The following ASH1L variants were observed in gnomAD, a reference collection of about 807,000 sequenced individuals.
ASH1L encodes histone-lysine N-methyltransferase ASH1L.
In ASH1L, 23 loss-of-function variants were observed where a neutral mutation model predicts 269.0. The observed-to-expected ratio is 0.09, with a 90% confidence interval of 0.06 to 0.12. The LOEUF (loss-of-function observed/expected upper bound fraction) is 0.12, where lower values mean the gene tolerates loss of function less well. ASH1L is among the 10% of genes least tolerant of loss of function. The probability of loss-of-function intolerance (pLI) is 1.00; values close to 1 mark genes in which losing one functional copy is unlikely to be tolerated. For missense variants in ASH1L, 2,912 were observed against 3,567.8 expected (o/e 0.82, Z 4.68); for synonymous variants, 1,187 against 1,253.5 (o/e 0.95, Z 1.12).
intron 26 of ASH1L, among the ~76,000 whole-genome samples, chr1:155,339,002 T>C (rs1163373998): frequency 6.6e-6 from 1 of 152,240 alleles, no homozygotes; most frequent in Non-Finnish European, 1.5e-5. Flanking sequence ...CATCTGTTCC[T>C]TGATAGAGGT....
intron 6 of ASH1L, chr1:155,396,204 A>G (rs1279681527): frequency 6.6e-6 from 1 of 152,176 alleles, no homozygotes; most frequent in Non-Finnish European, 1.5e-5. Flanking sequence ...TAAATATATA[A>G]AAGGGGGAAA....
At chr1:155,433,715 T>C (rs1177686811) in intron 5 of ASH1L, 2 of 1,600,862 alleles carry the variant, frequency 1.2e-6, no homozygotes, top group Non-Finnish European at 1.7e-6. Flanking sequence ...TGGGAAGGTG[T>C]TCAGCCAAAC....
intron 2 of ASH1L, among the ~76,000 whole-genome samples, chr1:155,483,237 T>C (rs1168190819): frequency 1.3e-5 from 2 of 152,142 alleles, no homozygotes; most frequent in Non-Finnish European, 2.9e-5. Flanking sequence ...TTATACTGTG[T>C]TTGTGGATAG....
At chr1:155,382,793 A>G (rs1013552069) in intron 7 of ASH1L, among the ~76,000 whole-genome samples, 6 of 151,718 alleles carry the variant, frequency 4.0e-5, no homozygotes, top group Non-Finnish European at 2.9e-5. Flanking sequence ...TAGCAGGATC[A>G]TGGCTCACTG....
At chr1:155,545,445 G>A (rs940466609) in intron 1 of ASH1L, among the ~76,000 whole-genome samples, 1 of 151,396 alleles carries the variant, frequency 6.6e-6, no homozygotes, top group Non-Finnish European at 1.5e-5. Flanking sequence ...CCTTCATACT[G>A]ACCAAAAATA....
At chr1:155,502,007 G>C (rs1667539418) in intron 2 of ASH1L, among the ~76,000 whole-genome samples, 3 of 151,194 alleles carry the variant, frequency 2.0e-5, no homozygotes, top group South Asian at 2.1e-4. Context: ...TATATTTTTA[G>C]CAAATGAGAG....
chr1:155,397,363 G>A (rs1658448030), intron 6 of ASH1L, among the ~76,000 whole-genome samples: 1 of 151,804 alleles, frequency 6.6e-6, no homozygotes, highest in Non-Finnish European at 1.5e-5. Flanking sequence ...TGGGTGTGGT[G>A]GAGCGCGCTG....
At chr1:155,400,055 A>G (rs1373435676) in intron 6 of ASH1L, among the ~76,000 whole-genome samples, 3 of 152,230 alleles carry the variant, frequency 2.0e-5, no homozygotes, top group South Asian at 2.1e-4. Context: ...AACGACCCCA[A>G]TGAGGACATA....
At chr1:155,551,889 T>A (rs867817775) in intron 1 of ASH1L, among the ~76,000 whole-genome samples, 31 of 149,948 alleles carry the variant, frequency 2.1e-4, no homozygotes, top group Admixed American at 5.3e-4. Flanking sequence ...AGCAGGAGAA[T>A]CACTTGAACC....
intron 4 of ASH1L, among the ~76,000 whole-genome samples, chr1:155,455,704 TA>T (rs764507144): frequency 4.6e-5 from 7 of 152,226 alleles, no homozygotes; most frequent in Non-Finnish European, 7.3e-5. Context: ...GGTTTATATT[TA>T]ATGGCAATTC....
chr1:155,382,314 T>C (rs1165404879), intron 7 of ASH1L, among the ~76,000 whole-genome samples: 3 of 150,968 alleles, frequency 2.0e-5, no homozygotes, highest in East Asian at 3.9e-4. Flanking sequence ...CTGGCTAACA[T>C]GGTGAAACCC....
chr1:155,456,178 T>C (rs1382931404), intron 4 of ASH1L, among the ~76,000 whole-genome samples: 1 of 152,208 alleles, frequency 6.6e-6, no homozygotes, highest in Admixed American at 6.5e-5. Flanking sequence ...AGTTCAGTCA[T>C]ACTGTAAGAA....
intron 1 of ASH1L, among the ~76,000 whole-genome samples, chr1:155,556,379 A>G (rs1314734754): frequency 1.3e-5 from 2 of 149,338 alleles, no homozygotes; most frequent in Non-Finnish European, 3.0e-5. Context: ...AAAAATTATA[A>G]ATATAAATAT....
chr1:155,420,212 C>T (rs1344884623), intron 5 of ASH1L, among the ~76,000 whole-genome samples: 4 of 151,674 alleles, frequency 2.6e-5, no homozygotes, highest in African/African-American at 9.7e-5. Flanking sequence ...GTAGTCCCAG[C>T]TTCTCAGGAA....
Position 155,347,920 on chromosome 1 carries a change from A to G in ASH1L, c.7555-16T>C. Reference sequence around the variant, plus strand: ...CATAGTACTTCTGAAGAAAGCAAATAAAGAAATCATGTTTGGTTCTCTCAA... The same window carrying G: ...CATAGTACTTCTGAAGAAAGCAAATGAAGAAATCATGTTTGGTTCTCTCAA... On this transcript the variant is annotated splice_polypyrimidine_tract_variant and intron_variant, in intron 19 of 27. Transcript: ENST00000392403. 6.2e-7 allele frequency: 1 copy of G among 1,612,046 alleles called. No individual in the cohort carries two copies. Among genetic ancestry groups the G allele is most frequent in the Non-Finnish European group, 8.5e-7 (1 of 1,178,118 alleles).
rs937106144 is a variant in ASH1L, at chr1:155,336,981, G to C, written c.*679C>G. On this transcript the variant is annotated 3_prime_UTR_variant, in exon 28 of 28. Transcript: ENST00000392403. ...TATGAAGGGTAAAACAAAAATAATT[G>C]CAAGAACTACCGTGCCCTTCTGACC... is the stretch of plus-strand genomic sequence containing the variant. 1.3e-5 allele frequency: 2 copies of C among 152,304 alleles called. No individual in the cohort carries two copies. Among genetic ancestry groups the C allele is most frequent in the Admixed American group, 6.5e-5 (1 of 15,270 alleles). 9.4% of individuals were successfully genotyped at this position (152,304 alleles called of 1,614,324 possible). A position where few individuals can be genotyped will look rare whatever the true frequency, so the allele number is the denominator to read the frequency against.
chr1:155,475,471 T>C (rs1026035656), intron 3 of ASH1L, among the ~76,000 whole-genome samples: 2 of 152,152 alleles, frequency 1.3e-5, no homozygotes, highest in Admixed American at 1.3e-4. Context: ...GTCTCAACTT[T>C]TTATCCTCAG....
intron 5 of ASH1L, among the ~76,000 whole-genome samples, chr1:155,421,320 T>G (rs1023968293): frequency 3.6e-5 from 5 of 139,176 alleles, no homozygotes; most frequent in African/African-American, 8.9e-5. Flanking sequence ...ACCAACAGTT[T>G]TTTTTTTTTT....
At chr1:155,383,273 T>C (rs530396452) in intron 7 of ASH1L, among the ~76,000 whole-genome samples, 6 of 152,300 alleles carry the variant, frequency 3.9e-5, no homozygotes, top group Non-Finnish European at 7.4e-5. Context: ...GTGTGCAGTG[T>C]TTATAAAATC....
Sources: gnomAD v4.1 joint callset for allele counts (sites outside exome capture counted in the v4.1 genomes callset) on GRCh38, gnomAD v4.1.1 for gene constraint, MANE v1.5 for transcripts, NCBI Gene and HGNC (gene_info 2026-07-23, HGNC 2026-07-21) for gene names.